Variants in SMAD3 observed in about 807,000 individuals in gnomAD.
SMAD3 encodes SMAD family member 3, also known as MAD homolog 3.
SMAD3 carries 12 observed loss-of-function variants against 51.8 expected under a neutral mutation model. That is an observed-to-expected ratio of 0.23 (90% CI 0.15 to 0.38). The LOEUF (loss-of-function observed/expected upper bound fraction) is 0.38. Ranked by LOEUF, SMAD3 falls within the 10% of genes least tolerant of loss-of-function variation. The pLI is 1.00. For synonymous variants in SMAD3, 238 were observed against 227.7 expected (o/e 1.05, Z -0.41); for missense variants, 294 against 565.6 (o/e 0.52, Z 4.87).
At chr15:67,084,075 T>TC (rs1372289511) in intron 1 of SMAD3, among the ~76,000 whole-genome samples, 4 of 103,384 alleles carry the variant, frequency 3.9e-5, no homozygotes, top group African/African-American at 1.3e-4. Context: ...TTTTTCTTTT[T>TC]TTTTTTTTTT....
intron 1 of SMAD3, among the ~76,000 whole-genome samples, chr15:67,116,881 C>T (rs1961147091): frequency 6.6e-6 from 1 of 152,060 alleles, no homozygotes; most frequent in South Asian, 2.1e-4. Context: ...CAATGGCATG[C>T]CAGGTTTGAA....
At chr15:67,086,108 G>A (rs527610100) in intron 1 of SMAD3, among the ~76,000 whole-genome samples, 4 of 151,394 alleles carry the variant, frequency 2.6e-5, no homozygotes, top group East Asian at 1.9e-4. Context: ...TGGTGCAGGG[G>A]GGTGGAGCTG....
intron 1 of SMAD3, chr15:67,098,757 A>G: frequency 1.6e-6 from 1 of 638,598 alleles, no homozygotes; most frequent in Non-Finnish European, 2.8e-6. Context: ...AGGCCTCCAC[A>G]GCCCCCGGAA....
chr15:67,118,712 TC>T (rs779411007), intron 1 of SMAD3, among the ~76,000 whole-genome samples: 20 of 152,308 alleles, frequency 1.3e-4, no homozygotes, highest in Non-Finnish European at 2.6e-4. Context: ...GTCGTGAACA[TC>T]CCATTGTGCA....
rs55678244 is a variant in SMAD3, at chr15:67,187,532, A to G, written c.1154+23A>G. ...CAGGTCAGTTATGGGTGCTGCCTACATCAGGGGACCCAACTCCAGGTGACT... is the reference window on the plus strand; with the variant it reads ...CAGGTCAGTTATGGGTGCTGCCTACGTCAGGGGACCCAACTCCAGGTGACT... On this transcript the variant is annotated intron_variant, in intron 8 of 8. Transcript: ENST00000327367. 3 of 1,614,062 alleles carry G rather than the reference A, an allele frequency of 1.9e-6. No homozygotes were observed. In the Admixed American group the frequency reaches 5.0e-5, roughly 27 times the overall value.
At chr15:67,147,794 ACCT>A (rs781526553) in intron 1 of SMAD3, among the ~76,000 whole-genome samples, 77 of 151,868 alleles carry the variant, frequency 5.1e-4, no homozygotes, top group Non-Finnish European at 8.4e-4. Context: ...GTTTAAAGCA[ACCT>A]CCTCTCTCAG....
At chr15:67,158,687 A>G (rs1962347266) in intron 1 of SMAD3, among the ~76,000 whole-genome samples, 1 of 152,190 alleles carries the variant, frequency 6.6e-6, no homozygotes, top group Non-Finnish European at 1.5e-5. Context: ...CCATTGTAAG[A>G]TGTGCCTTAT....
intron 7 of SMAD3, among the ~76,000 whole-genome samples, chr15:67,185,596 T>C (rs1204880290): frequency 2.6e-5 from 4 of 152,122 alleles, no homozygotes; most frequent in Non-Finnish European, 5.9e-5. Flanking sequence ...AGTTTGACTC[T>C]AGGGAACTGC....
At chr15:67,156,405 TG>T (rs1962284217) in intron 1 of SMAD3, among the ~76,000 whole-genome samples, 1 of 152,230 alleles carries the variant, frequency 6.6e-6, no homozygotes, top group African/African-American at 2.4e-5. Flanking sequence ...CCTTCTGAAA[TG>T]GTTAAGTCTT....
chr15:67,118,922 G>T (rs1380783036), intron 1 of SMAD3, among the ~76,000 whole-genome samples: 1 of 152,212 alleles, frequency 6.6e-6, no homozygotes, highest in African/African-American at 2.4e-5. Context: ...ACAAGCAGGT[G>T]CTTGTTAACT....
chr15:67,106,804 T>C (rs1258372232), intron 1 of SMAD3, among the ~76,000 whole-genome samples: 1 of 152,198 alleles, frequency 6.6e-6, no homozygotes, highest in Non-Finnish European at 1.5e-5. Context: ...TCAAAACTTA[T>C]CAGTCCTACA....
intron 1 of SMAD3, among the ~76,000 whole-genome samples, chr15:67,118,275 G>A (rs1961180625): frequency 6.6e-6 from 1 of 152,232 alleles, no homozygotes; most frequent in Non-Finnish European, 1.5e-5. Flanking sequence ...CAGCTGAGAG[G>A]AGACTGAGAG....
intron 1 of SMAD3, among the ~76,000 whole-genome samples, chr15:67,116,713 T>G (rs1411282791): frequency 6.6e-6 from 1 of 152,104 alleles, no homozygotes; most frequent in African/African-American, 2.4e-5. Flanking sequence ...AAGGAGAGTC[T>G]TAGGTGGAAG....
At chr15:67,090,678 T>A (rs1376578560) in intron 1 of SMAD3, among the ~76,000 whole-genome samples, 7 of 152,260 alleles carry the variant, frequency 4.6e-5, no homozygotes, top group African/African-American at 1.7e-4. Flanking sequence ...CCCCTGGGAT[T>A]TTGGAAGGTA....
chr15:67,100,489 A>G (rs1273357178), intron 1 of SMAD3, among the ~76,000 whole-genome samples: 1 of 152,126 alleles, frequency 6.6e-6, no homozygotes, highest in Non-Finnish European at 1.5e-5. Context: ...AATTATACAC[A>G]TTAAAATGGC....
rs1963402012 is a variant in SMAD3, at chr15:67,192,836, G to C, written c.*2300G>C. 1 of 233,346 alleles carries C rather than the reference G, an allele frequency of 4.3e-6. No individual in the cohort carries two copies. Among genetic ancestry groups the C allele is most frequent in the African/African-American group, 2.2e-5 (1 of 45,476 alleles). The allele number at this position is 233,346 out of a possible 1,614,324, so 14.5% of individuals were successfully genotyped here. ...GAAATGACACGTTTGGCTGCATTTG[G>C]ATGGTGTCTTAGAACCCTCATTGCT... On this transcript the variant is annotated 3_prime_UTR_variant, in exon 9 of 9. Transcript: ENST00000327367.
chr15:67,092,802 A>T (rs1162616184), intron 1 of SMAD3, among the ~76,000 whole-genome samples: 4 of 152,206 alleles, frequency 2.6e-5, no homozygotes, highest in Non-Finnish European at 5.9e-5. Context: ...AACAGCTAAA[A>T]ATATCAAATC....
intron 1 of SMAD3, among the ~76,000 whole-genome samples, chr15:67,069,435 C>T (rs1960002470): frequency 1.3e-5 from 2 of 152,084 alleles, no homozygotes; most frequent in African/African-American, 2.4e-5. Context: ...AAGCATTTGC[C>T]GCTGAATGAG....
chr15:67,077,261 T>G (rs187476205), intron 1 of SMAD3, among the ~76,000 whole-genome samples: 3 of 152,300 alleles, frequency 2.0e-5, no homozygotes, highest in South Asian at 2.1e-4. Context: ...ATGTATGTAT[T>G]TATTTTTGTA....
Sources: allele counts gnomAD v4.1 joint callset (sites outside exome capture counted in the v4.1 genomes callset), GRCh38; gene constraint gnomAD v4.1.1; transcripts MANE v1.5; gene names NCBI Gene and HGNC (gene_info 2026-07-23, HGNC 2026-07-21).